The following DMAC2L variants were observed in gnomAD, a reference collection of about 807,000 sequenced individuals.
The protein encoded by DMAC2L is distal membrane arm assembly component 2 like.
Under a neutral mutation model 22.5 loss-of-function variants are expected in DMAC2L, and 21 were observed. That is an observed-to-expected ratio of 0.93 (90% confidence interval 0.66 to 1.34). DMAC2L has a LOEUF of 1.34. Ranked by LOEUF, DMAC2L falls within the 40% of genes most tolerant of loss-of-function variation. The pLI, the probability that DMAC2L is intolerant of heterozygous loss-of-function variation, is 0.00. For synonymous variants in DMAC2L, 86 were observed against 89.5 expected (o/e 0.96, Z 0.22); for missense variants, 239 against 246.5 (o/e 0.97, Z 0.20).
chr14:50,312,253 T>C, upstream of DMAC2L: 1 of 1,505,886 alleles, frequency 6.6e-7, no homozygotes, highest in South Asian at 1.2e-5. Flanking sequence ...CGGGGGCCAA[T>C]GAAGTGGCGC....
At chr14:50,312,299 A>G (rs2031285183), upstream of DMAC2L, 1 of 1,203,412 alleles carries the variant, frequency 8.3e-7, no homozygotes, top group Non-Finnish European at 1.2e-6. Flanking sequence ...GCGGTGGCCA[A>G]TAGGCGCGCG....
chr14:50,325,855 A>G lies in DMAC2L; in HGVS notation c.*132A>G, dbSNP rs1042453710. 3 of 1,358,774 alleles carry G rather than the reference A, an allele frequency of 2.2e-6. No individual in the cohort carries two copies. The African/African-American group carries it at 4.4e-5, about 20-fold the overall frequency. The allele number at this position is 1,358,774 out of a possible 1,614,324, so 84.2% of individuals were successfully genotyped here. On this transcript the variant is annotated 3_prime_UTR_variant, in exon 6 of 6. Coordinates refer to ENST00000557421, the MANE Select transcript of DMAC2L (RefSeq NM_001382507.1). Reference sequence around the variant, plus strand: ...ACATTTTAGAAGTGGAGAGTGCATCATATGTAGAAAATAAATATTCAGACG... The same window carrying G: ...ACATTTTAGAAGTGGAGAGTGCATCGTATGTAGAAAATAAATATTCAGACG...
At chr14:50,317,685 G>A (rs142159697) in intron 2 of DMAC2L, among the ~76,000 whole-genome samples, 35 of 152,052 alleles carry the variant, frequency 2.3e-4, no homozygotes, top group Non-Finnish European at 4.3e-4. Flanking sequence ...CAGGACAATC[G>A]CTTGAACCCA....
chr14:50,313,184 G>T (rs1489437614), intron 1 of DMAC2L: 1 of 777,498 alleles, frequency 1.3e-6, no homozygotes, highest in Non-Finnish European at 2.2e-6. Flanking sequence ...CTGTATGCTT[G>T]ATGGCAGTTT....
At position 50,326,697 on chromosome 14, in the gene DMAC2L, A is replaced by AAGGAAAC. The variant is rs2032718312; in HGVS notation, c.*977_*983dup. The AAGGAAAC allele has an allele frequency of 1.0e-6, 1 of 985,314 alleles. No homozygotes were observed. The highest frequency in any genetic ancestry group is 1.7e-5 in the African/African-American group (1 of 57,246). The allele number at this position is 985,314 out of a possible 1,614,324, so 61.0% of individuals were successfully genotyped here. A position where few individuals can be genotyped will look rare whatever the true frequency, so the allele number is the denominator to read the frequency against. On this transcript the variant is annotated 3_prime_UTR_variant, in exon 6 of 6. Coordinates refer to ENST00000557421, the MANE Select transcript of DMAC2L (RefSeq NM_001382507.1). ...TAGTTTTGCAGATTGCAATATAATA[A>AAGGAAAC]AGGAAACAGTAAAAACTAGTGGGCT...
rs766836411 is a variant in DMAC2L at position 50,325,586 on chromosome 14, G to A, written c.489-23G>A. 9 of 1,580,370 alleles carry A rather than the reference G, an allele frequency of 5.7e-6. No individual in the cohort carries two copies. The South Asian group carries it at 1.0e-4, about 18-fold the overall frequency. On this transcript the variant is annotated intron_variant, in intron 5 of 5. Transcript: ENST00000557421. ...TTTTAATGCTCTTGGCCAAATTGAA[G>A]TGACTTTTTTCTTTATTTGCAGAAA...
intron 2 of DMAC2L, among the ~76,000 whole-genome samples, chr14:50,314,838 C>T (rs762509886): frequency 4.6e-5 from 7 of 151,628 alleles, no homozygotes; most frequent in South Asian, 2.1e-4. Context: ...GATGCGGTTT[C>T]GCCATGTTGA....
At position 50,322,647 on chromosome 14, in the gene DMAC2L, C is replaced by T; in HGVS notation, c.244C>T (p.Leu82=). The change falls in exon 4 of 6, where the codon CTG becomes TTG. Residue 82 remains leucine, a synonymous_variant. Transcript: ENST00000557421. ...CTACAACCACCTTCCAACAGGCCCT[C>T]TGGACAAATACAAGATTCAGGCGAT... ...KDYNHLPTGP[L]DKYKIQAIDA... The T allele has an allele frequency of 6.2e-7, 1 of 1,614,152 alleles. No individual in the cohort carries two copies. Among genetic ancestry groups the T allele is most frequent in the Non-Finnish European group, 8.5e-7 (1 of 1,180,030 alleles).
chr14:50,324,878 C>T (rs926823368), intron 5 of DMAC2L, among the ~76,000 whole-genome samples: 1 of 152,122 alleles, frequency 6.6e-6, no homozygotes, highest in African/African-American at 2.4e-5. Flanking sequence ...TGGGTTCAAG[C>T]GATTCTCCTG....
At position 50,325,063 on chromosome 14, in the gene DMAC2L, C is replaced by T. The variant is rs112540083; in HGVS notation, c.489-546C>T. ...TGCTGGGATTACAGGCGTGAGCCACCGTGCCCGGCCTAGAAGTTTGTTTAA... is the reference window on the plus strand; with the variant it reads ...TGCTGGGATTACAGGCGTGAGCCACTGTGCCCGGCCTAGAAGTTTGTTTAA... On this transcript the variant is annotated intron_variant, in intron 5 of 5. Coordinates refer to ENST00000557421, the MANE Select transcript of DMAC2L (RefSeq NM_001382507.1). Among the ~76,000 whole-genome samples, 978 of 152,270 alleles carry T rather than the reference C, an allele frequency of 6.4e-3. 13 individuals carry two copies. Among genetic ancestry groups the T allele is most frequent in the African/African-American group, 0.021 (893 of 41,550 alleles).
At position 50,327,801 on chromosome 14, in the gene DMAC2L, A is replaced by G. The variant is rs900985995; in HGVS notation, c.*2078A>G. ...AATATAAACTTGAAAATAATTTTCT[A>G]TGATACAGCTTTCAGGTAGAAAAAT... is the stretch of plus-strand genomic sequence containing the variant. On this transcript the variant is annotated 3_prime_UTR_variant, in exon 6 of 6. Coordinates refer to ENST00000557421, the MANE Select transcript of DMAC2L (RefSeq NM_001382507.1). The G allele has an allele frequency of 7.9e-5, 12 of 152,186 alleles. No individual in the cohort carries two copies. Among genetic ancestry groups the G allele is most frequent in the African/African-American group, 1.9e-4 (8 of 41,446 alleles). 9.4% of individuals were successfully genotyped at this position (152,186 alleles called of 1,614,324 possible).
intron 2 of DMAC2L, chr14:50,319,340 C>G: frequency 3.9e-6 from 6 of 1,535,944 alleles, no homozygotes; most frequent in Non-Finnish European, 5.2e-6. Context: ...TCTCACTGTT[C>G]CACGGCCTCA....
intron 2 of DMAC2L, chr14:50,319,141 C>G: frequency 6.6e-7 from 1 of 1,518,478 alleles, no homozygotes; most frequent in African/African-American, 1.4e-5. Flanking sequence ...TGGGAAAGCC[C>G]ATATTTGTAA....
chr14:50,323,018 G>T, intron 4 of DMAC2L: 1 of 1,288,190 alleles, frequency 7.8e-7, no homozygotes, highest in Non-Finnish European at 9.8e-7. Flanking sequence ...TCATTGAGAA[G>T]CCCTCAATAA....
chr14:50,316,824 A>T (rs1309482374), intron 2 of DMAC2L, among the ~76,000 whole-genome samples: 1 of 152,096 alleles, frequency 6.6e-6, no homozygotes, highest in Non-Finnish European at 1.5e-5. Flanking sequence ...AAATCAGGTA[A>T]TGTTGTGCCT....
rs758904151 is a variant in DMAC2L at position 50,324,071 on chromosome 14, G to A, written c.443G>A (p.Cys148Tyr). The A allele has an allele frequency of 1.2e-6, 2 of 1,613,726 alleles. No individual in the cohort carries two copies. Among genetic ancestry groups the A allele is most frequent in the African/African-American group, 2.7e-5 (2 of 74,900 alleles). ...ATATTGGAAATGGAAATAATATCCT[G>A]TGGGAATATCACAGACAAAGGCATC... ...KTILEMEIIS[C>Y]GNITDKGIIA... is the part of the protein sequence containing the mutation. The change falls in exon 5 of 6, where the codon TGT becomes TAT. Residue 148 changes from cysteine (C) to tyrosine (Y), a missense_variant. By Grantham distance (194) the Cys-to-Tyr change is radical. Coordinates refer to ENST00000557421, the MANE Select transcript of DMAC2L (RefSeq NM_001382507.1).
intron 4 of DMAC2L, among the ~76,000 whole-genome samples, chr14:50,323,187 G>A (rs1404111646): frequency 4.6e-5 from 7 of 150,628 alleles, no homozygotes; most frequent in Admixed American, 1.3e-4. Flanking sequence ...CCAGGTTCAC[G>A]CCATTCTCCT....
upstream of DMAC2L, chr14:50,311,519 A>C: frequency 2.2e-6 from 1 of 455,570 alleles, no homozygotes. Flanking sequence ...GGCTTTCATT[A>C]GCATAAGAGC....
intron 1 of DMAC2L, 49 bp from the exon 2 acceptor site, chr14:50,314,542 T>G (rs1393421041): frequency 4.4e-6 from 2 of 456,040 alleles, no homozygotes; most frequent in Admixed American, 4.7e-5. Flanking sequence ...CAAGCAGCTG[T>G]GAACATGAGT....
Sources: allele counts gnomAD v4.1 joint callset (sites outside exome capture counted in the v4.1 genomes callset), GRCh38; gene constraint gnomAD v4.1.1; transcripts MANE v1.5; gene names NCBI Gene and HGNC (gene_info 2026-07-23, HGNC 2026-07-21).